ZPLD1: variants seen among roughly 807,000 people sequenced by gnomAD.
ZPLD1 encodes the protein zona pellucida like domain containing 1, also known as zona pellucida-like domain-containing protein 1.
A neutral mutation model predicts 47.2 loss-of-function variants in ZPLD1; 34 were observed. That is an observed-to-expected ratio of 0.72 (90% CI 0.55 to 0.96). The LOEUF is 0.96. ZPLD1 is among the 40% of genes least tolerant of loss of function. The pLI is 0.00. For synonymous variants in ZPLD1, 176 were observed against 186.2 expected (o/e 0.95, Z 0.45); for missense variants, 512 against 505.8 (o/e 1.01, Z -0.12).
At chr3:102,413,214 T>A (rs1706765424) in intron 7 of ZPLD1, among the ~76,000 whole-genome samples, 1 of 151,822 alleles carries the variant, frequency 6.6e-6, no homozygotes, top group Non-Finnish European at 1.5e-5. Flanking sequence ...ATAAAATTTT[T>A]AAAAAGACTA....
intron 8 of ZPLD1, among the ~76,000 whole-genome samples, chr3:102,429,481 A>G (rs1706989905): frequency 6.6e-6 from 1 of 152,292 alleles, no homozygotes; most frequent in African/African-American, 2.4e-5. Flanking sequence ...CAAATGTAAT[A>G]CATCATCCTT....
intron 3 of ZPLD1, among the ~76,000 whole-genome samples, chr3:102,440,637 G>T (rs1707162297): frequency 6.6e-6 from 1 of 150,498 alleles, no homozygotes; most frequent in Non-Finnish European, 1.5e-5. Flanking sequence ...CTGTATGAGA[G>T]TTTATTCCCT....
At chr3:102,459,060 A>C (rs1348929803) in intron 6 of ZPLD1, among the ~76,000 whole-genome samples, 1 of 134,308 alleles carries the variant, frequency 7.4e-6, no homozygotes, top group Non-Finnish European at 1.5e-5. Context: ...ACTGCACTCC[A>C]GCCTGGGAGA....
intron 7 of ZPLD1, among the ~76,000 whole-genome samples, chr3:102,463,883 CAAAA>C (rs1211126564): frequency 9.1e-6 from 1 of 110,210 alleles, no homozygotes; most frequent in Admixed American, 1.0e-4. Context: ...ATTAAAAATA[CAAAA>C]AAAAAAAAAA....
chr3:102,425,392 T>C (rs908253401), intron 8 of ZPLD1, among the ~76,000 whole-genome samples: 3 of 152,156 alleles, frequency 2.0e-5, no homozygotes, highest in Non-Finnish European at 4.4e-5. Flanking sequence ...TGCCCGTAAA[T>C]GTTTATGTTC....
intron 3 of ZPLD1, among the ~76,000 whole-genome samples, chr3:102,448,365 G>T (rs1327191839): frequency 6.6e-6 from 1 of 152,186 alleles, no homozygotes; most frequent in Non-Finnish European, 1.5e-5. Flanking sequence ...GGCTTAAAAA[G>T]TGTAGCTGTT....
Position 102,451,411 on chromosome 3 carries a change from A to G in ZPLD1, c.107-1508A>G, listed in dbSNP as rs1418036738. Among the ~76,000 whole-genome samples, 4 of 152,188 alleles carry G rather than the reference A, an allele frequency of 2.6e-5. No homozygotes were observed. The East Asian group carries it at 7.7e-4, about 29-fold the overall frequency. ...AGGTCATTTCCCCATTGAAAAGCATAATCAGTTTTTGTTTGTTTCTACATG... is the reference window on the plus strand; with the variant it reads ...AGGTCATTTCCCCATTGAAAAGCATGATCAGTTTTTGTTTGTTTCTACATG... On this transcript the variant is annotated intron_variant, in intron 3 of 11. Transcript: ENST00000466937.
intron 7 of ZPLD1, among the ~76,000 whole-genome samples, chr3:102,408,621 T>A (rs1706718056): frequency 6.6e-6 from 1 of 151,798 alleles, no homozygotes; most frequent in Non-Finnish European, 1.5e-5. Context: ...GCAATTTAAC[T>A]TTGCTTCTCA....
At chr3:102,417,671 A>G (rs1429690040) in intron 7 of ZPLD1, among the ~76,000 whole-genome samples, 3 of 151,958 alleles carry the variant, frequency 2.0e-5, no homozygotes, top group Non-Finnish European at 4.4e-5. Context: ...ACTGCATGAA[A>G]TGTAGTATTG....
chr3:102,467,494 A>G (rs1046170954), intron 8 of ZPLD1, among the ~76,000 whole-genome samples: 1 of 152,184 alleles, frequency 6.6e-6, no homozygotes, highest in Non-Finnish European at 1.5e-5. Context: ...GACAAAAGTC[A>G]CAGAACAGTA....
At chr3:102,476,233 C>T (rs1028800071) in intron 10 of ZPLD1, among the ~76,000 whole-genome samples, 6 of 152,044 alleles carry the variant, frequency 3.9e-5, no homozygotes, top group African/African-American at 1.4e-4. Context: ...GTTCAAATAA[C>T]AAACACAAAT....
At chr3:102,388,854 T>C (rs1031064806) in intron 6 of ZPLD1, among the ~76,000 whole-genome samples, 3 of 152,150 alleles carry the variant, frequency 2.0e-5, no homozygotes, top group African/African-American at 7.2e-5. Flanking sequence ...ACTTCTGATT[T>C]TTTTGTCCAA....
rs1707785998 is a variant in ZPLD1 at position 102,478,133 on chromosome 3, C to T, written c.*515C>T. 6.6e-6 allele frequency: 1 copy of T among 152,164 alleles called. No individual in the cohort carries two copies. Among genetic ancestry groups the T allele is most frequent in the Admixed American group, 6.6e-5 (1 of 15,252 alleles). 9.4% of individuals were successfully genotyped at this position (152,164 alleles called of 1,614,324 possible). A position where few individuals can be genotyped will look rare whatever the true frequency, so the allele number is the denominator to read the frequency against. On this transcript the variant is annotated 3_prime_UTR_variant, in exon 12 of 12. Transcript: ENST00000466937. ...GATTTAACTACTCATTCTATGACCT[C>T]CTGTGTTTTTGGCCGATTTTCATGT...
intron 10 of ZPLD1, among the ~76,000 whole-genome samples, chr3:102,472,290 G>T (rs1707697202): frequency 6.6e-6 from 1 of 152,192 alleles, no homozygotes; most frequent in Non-Finnish European, 1.5e-5. Context: ...CCAGCACTTT[G>T]GGAGGCTGAG....
intron 3 of ZPLD1, among the ~76,000 whole-genome samples, chr3:102,442,130 C>T (rs966064318): frequency 6.6e-6 from 1 of 152,122 alleles, no homozygotes; most frequent in Admixed American, 6.5e-5. Context: ...GGAGAAAGTA[C>T]TTCTAATTAC....
At chr3:102,477,144 T>C in intron 11 of ZPLD1, 103 bp downstream of exon 11, 2 of 1,331,336 alleles carry the variant, frequency 1.5e-6, no homozygotes, top group Non-Finnish European at 2.2e-6. Flanking sequence ...CCAAGTTTGG[T>C]CCATTTTAGA....
chr3:102,472,210 T>A (rs1249825674), intron 10 of ZPLD1, among the ~76,000 whole-genome samples: 1 of 152,136 alleles, frequency 6.6e-6, no homozygotes, highest in East Asian at 1.9e-4. Context: ...CCCTGAAGAT[T>A]TTTGGTATGT....
intron 7 of ZPLD1, among the ~76,000 whole-genome samples, chr3:102,410,226 G>A (rs774283819): frequency 1.3e-5 from 2 of 151,730 alleles, no homozygotes; most frequent in Non-Finnish European, 2.9e-5. Flanking sequence ...CACATCTGTA[G>A]ACTAGGAGTT....
intron 6 of ZPLD1, chr3:102,385,399 C>G (rs1008399237): frequency 6.6e-6 from 1 of 152,178 alleles, no homozygotes; most frequent in Non-Finnish European, 1.5e-5. Flanking sequence ...ATGTTTTAAA[C>G]TTTCTGACAT....
Sources: gnomAD v4.1 joint callset for allele counts (sites outside exome capture counted in the v4.1 genomes callset) on GRCh38, gnomAD v4.1.1 for gene constraint, MANE v1.5 for transcripts, NCBI Gene and HGNC (gene_info 2026-07-23, HGNC 2026-07-21) for gene names.